C3orf20: variants seen among roughly 807,000 people sequenced by gnomAD.
C3orf20 encodes the protein uncharacterized protein C3orf20.
C3orf20 carries 76 observed loss-of-function variants against 88.3 expected under a neutral mutation model. The observed-to-expected ratio is 0.86, with a 90% CI of 0.72 to 1.04. The LOEUF is 1.04. Ranked by LOEUF, C3orf20 falls within the 50% of genes least tolerant of loss-of-function variation. The probability of loss-of-function intolerance (pLI) is 0.00; values close to 1 mark genes in which losing one functional copy is unlikely to be tolerated. For synonymous variants in C3orf20, 436 were observed against 437.4 expected (o/e 1.00, Z 0.04); for missense variants, 1,056 against 1,123.3 (o/e 0.94, Z 0.86).
chr3:14,709,815 A>G (rs2033668745), intron 7 of C3orf20, among the ~76,000 whole-genome samples: 1 of 152,072 alleles, frequency 6.6e-6, no homozygotes, highest in African/African-American at 2.4e-5. Flanking sequence ...GTCATAAGGG[A>G]TATGGGAAGT....
intron 10 of C3orf20, chr3:14,722,669 C>T (rs1448903184): frequency 3.1e-5 from 14 of 444,576 alleles, no homozygotes; most frequent in Non-Finnish European, 5.9e-5. Flanking sequence ...TTGAAAATTC[C>T]CTGTGATTCC....
chr3:14,766,182 C>A (rs924326165), intron 15 of C3orf20, among the ~76,000 whole-genome samples: 1 of 152,192 alleles, frequency 6.6e-6, no homozygotes, highest in Admixed American at 6.5e-5. Flanking sequence ...TCAGCCTGTG[C>A]CTTTTCTCCT....
chr3:14,767,492 G>A (rs964443746), intron 15 of C3orf20: 2 of 152,290 alleles, frequency 1.3e-5, no homozygotes, highest in Admixed American at 6.5e-5. Flanking sequence ...TGTGGGATGG[G>A]GGTGTAGTTC....
chr3:14,714,948 G>A (rs2033886220), intron 8 of C3orf20, among the ~76,000 whole-genome samples: 1 of 152,182 alleles, frequency 6.6e-6, no homozygotes, highest in Non-Finnish European at 1.5e-5. Flanking sequence ...ACTGTTCTTG[G>A]AAGAAATGAC....
chr3:14,738,630 C>T (rs1216938316), intron 12 of C3orf20, among the ~76,000 whole-genome samples: 20 of 73,476 alleles, frequency 2.7e-4, no homozygotes, highest in African/African-American at 1.1e-3. Flanking sequence ...CATGCCCGGC[C>T]TTTTTTTTTT....
chr3:14,772,241 C>T lies in C3orf20; in HGVS notation c.2630+40C>T, dbSNP rs746017890. ...CAGCTGCCAGAATGGGCGTGGCTCA[C>T]AGCAGGCCACCTCGGGGCTATTTGG... On this transcript the variant is annotated intron_variant, in intron 16 of 16. Coordinates refer to ENST00000253697, the MANE Select transcript of C3orf20 (RefSeq NM_032137.5). The surrounding 1 kb of genome is among the most constrained non-coding windows in gnomAD (Gnocchi z 4.2). The T allele has an allele frequency of 8.7e-6, 14 of 1,613,690 alleles. No homozygotes were observed. Among genetic ancestry groups the T allele is most frequent in the Admixed American group, 1.7e-5 (1 of 60,002 alleles).
intron 12 of C3orf20, among the ~76,000 whole-genome samples, chr3:14,730,614 T>C (rs1464981429): frequency 6.6e-6 from 1 of 152,180 alleles, no homozygotes; most frequent in Non-Finnish European, 1.5e-5. Context: ...TGTTGATGAA[T>C]ATTTGGTTGT....
chr3:14,704,690 C>T, intron 7 of C3orf20, 72 bp downstream of exon 7: 3 of 1,543,848 alleles, frequency 1.9e-6, no homozygotes, highest in Non-Finnish European at 2.6e-6. Flanking sequence ...CTTGATACAG[C>T]CTAAATGTTT....
intron 9 of C3orf20, among the ~76,000 whole-genome samples, chr3:14,716,747 A>G (rs1162064004): frequency 1.3e-5 from 2 of 152,150 alleles, no homozygotes; most frequent in Admixed American, 6.5e-5. Context: ...GTCATTTGGT[A>G]ATTAATGTCA....
chr3:14,699,125 G>T (rs992675693), intron 5 of C3orf20, among the ~76,000 whole-genome samples: 3 of 151,960 alleles, frequency 2.0e-5, no homozygotes, highest in Non-Finnish European at 2.9e-5. Context: ...CTTCAGTTAG[G>T]CCTGGGACTC....
intron 12 of C3orf20, among the ~76,000 whole-genome samples, chr3:14,752,981 T>C (rs2125024816): frequency 6.6e-6 from 1 of 152,324 alleles, no homozygotes; most frequent in African/African-American, 2.4e-5. Context: ...AGCAATCCGA[T>C]TACTGGGTAT....
rs557076812 is a variant in C3orf20 at position 14,675,165 on chromosome 3, C to G, written c.-386C>G. The G allele has an allele frequency of 6.6e-6, 1 of 152,258 alleles. No homozygotes were observed. Among genetic ancestry groups the G allele is most frequent in the South Asian group, 2.1e-4 (1 of 4,820 alleles). 9.4% of individuals were successfully genotyped at this position (152,258 alleles called of 1,614,324 possible). On this transcript the variant is annotated 5_prime_UTR_variant, in exon 1 of 17. Coordinates refer to ENST00000253697, the MANE Select transcript of C3orf20 (RefSeq NM_032137.5). ...TACAGTTAACACAACCTGGAGTAGC[C>G]CATGCCATACTGTGTCCTTTTAAGT...
At chr3:14,700,097 C>G (rs1023240374) in intron 5 of C3orf20, among the ~76,000 whole-genome samples, 1 of 152,196 alleles carries the variant, frequency 6.6e-6, no homozygotes, top group Non-Finnish European at 1.5e-5. Flanking sequence ...TGCATAGACT[C>G]TCTGTGCCTT....
At chr3:14,737,089 A>AT (rs1386598321) in intron 12 of C3orf20, among the ~76,000 whole-genome samples, 2 of 151,840 alleles carry the variant, frequency 1.3e-5, no homozygotes, top group Non-Finnish European at 2.9e-5. Context: ...AGGCTTTTCT[A>AT]TGATGTGCCT....
chr3:14,707,775 C>A (rs2033576699), intron 7 of C3orf20, among the ~76,000 whole-genome samples: 1 of 151,464 alleles, frequency 6.6e-6, no homozygotes, highest in East Asian at 1.9e-4. Context: ...GTCTAAAAAA[C>A]CATCGCCAAA....
intron 9 of C3orf20, among the ~76,000 whole-genome samples, chr3:14,716,228 T>C (rs567642822): frequency 2.0e-5 from 3 of 152,164 alleles, no homozygotes; most frequent in African/African-American, 7.2e-5. Context: ...CAATCAGAGA[T>C]TGGAAGGAGA....
intron 12 of C3orf20, among the ~76,000 whole-genome samples, chr3:14,730,470 C>A (rs895368729): frequency 1.3e-5 from 2 of 152,042 alleles, no homozygotes; most frequent in Non-Finnish European, 2.9e-5. Context: ...TGGCGTGAAC[C>A]CAGGAGGCGG....
intron 12 of C3orf20, 36 bp downstream of exon 12, chr3:14,728,724 G>C (rs755412255): frequency 8.7e-6 from 14 of 1,602,400 alleles, no homozygotes; most frequent in Admixed American, 3.4e-5. Flanking sequence ...GCAGCATCGG[G>C]TGTTGTGATG....
intron 14 of C3orf20, 85 bp downstream of exon 14, chr3:14,760,083 A>T (rs1219664253): frequency 1.9e-5 from 19 of 985,910 alleles, no homozygotes; most frequent in Non-Finnish European, 2.9e-5. Context: ...ATGTGGGAGG[A>T]GGAGGAGAGA....
Sources: allele counts gnomAD v4.1 joint callset (sites outside exome capture counted in the v4.1 genomes callset), GRCh38; gene constraint gnomAD v4.1.1; non-coding constraint Gnocchi (gnomAD v3.1); transcripts MANE v1.5; gene names NCBI Gene and HGNC (gene_info 2026-07-23, HGNC 2026-07-21).